C4orf46: variants seen among roughly 807,000 people sequenced by gnomAD.
C4orf46 encodes the protein renal cancer differentiation gene 1 protein.
A neutral mutation model predicts 9.1 loss-of-function variants in C4orf46; 8 were observed. The ratio of observed to expected loss-of-function variants is 0.88; its 90% CI spans 0.52 to 1.59. The LOEUF is 1.59. Ranked by LOEUF, C4orf46 falls within the 40% of genes most tolerant of loss-of-function variation. The pLI, the probability that C4orf46 is intolerant of heterozygous loss-of-function variation, is 0.00. For missense variants in C4orf46, 151 were observed against 139.1 expected (o/e 1.09, Z -0.43); for synonymous variants, 51 against 58.8 (o/e 0.87, Z 0.61).
rs1773449225 is a variant in C4orf46, at chr4:158,669,014, T to C, written c.*599A>G. On this transcript the variant is annotated 3_prime_UTR_variant, in exon 2 of 2. Coordinates refer to ENST00000379205, the MANE Select transcript of C4orf46 (RefSeq NM_001008393.4). ...GTCAAAAAAGTTCAGATTCATACAT[T>C]TCCTAGAGAAACAATGACAGTCTTC... is the stretch of plus-strand genomic sequence containing the variant. The C allele has an allele frequency of 6.6e-6, 1 of 152,238 alleles. No homozygotes were observed. The highest frequency in any genetic ancestry group is 2.1e-4 in the South Asian group (1 of 4,830). 9.4% of individuals were successfully genotyped at this position (152,238 alleles called of 1,614,324 possible). A position where few individuals can be genotyped will look rare whatever the true frequency, so the allele number is the denominator to read the frequency against.
At position 158,667,323 on chromosome 4, in the gene C4orf46, G is replaced by GT. The variant is rs1402833082; in HGVS notation, c.*2289dup. On this transcript the variant is annotated 3_prime_UTR_variant, in exon 2 of 2. Transcript: ENST00000379205. ...TCTAAATGTTAAAAACAAAAATTTTGTAACTTTTGGAAGGCTGAATAGGAC... is the reference window on the plus strand; with the variant it reads ...TCTAAATGTTAAAAACAAAAATTTTGTTAACTTTTGGAAGGCTGAATAGGAC... The GT allele has an allele frequency of 6.6e-6, 1 of 152,130 alleles. No homozygotes were observed. The highest frequency in any genetic ancestry group is 1.5e-5 in the Non-Finnish European group (1 of 68,002). The allele number at this position is 152,130 out of a possible 1,614,324, so 9.4% of individuals were successfully genotyped here. A position where few individuals can be genotyped will look rare whatever the true frequency, so the allele number is the denominator to read the frequency against.
chr4:158,671,481 C>T lies in C4orf46; in HGVS notation c.186+135G>A, dbSNP rs548826949. The T allele has an allele frequency of 4.3e-4, 381 of 895,978 alleles. 1 individual carries two copies. The Middle Eastern group carries it at 7.3e-3, about 17-fold the overall frequency. The allele number at this position is 895,978 out of a possible 1,614,324, so 55.5% of individuals were successfully genotyped here. ...GCATCCCCCCCGCTTCCCGCCCGCA[C>T]GCTCTGGGGCGCAGAAGGGCCGGTC... On this transcript the variant is annotated intron_variant, in intron 1 of 1. Transcript: ENST00000379205.
intron 1 of C4orf46, among the ~76,000 whole-genome samples, chr4:158,670,018 G>GTTTTTTTTTTTTTTT (rs1773480643): frequency 7.6e-4 from 15 of 19,658 alleles, no homozygotes; most frequent in African/African-American, 2.3e-3. Context: ...CAGTATAGTT[G>GTTTTTTTTTTTTTTT]TTTTCTTTTT....
chr4:158,670,017 TGTTTTC>T (rs1263586136), intron 1 of C4orf46, among the ~76,000 whole-genome samples: 20 of 107,620 alleles, frequency 1.9e-4, no homozygotes, highest in African/African-American at 7.1e-4. Context: ...TCAGTATAGT[TGTTTTC>T]TTTTTTTTTT....
In C4orf46 at chr4:158,669,663, A is replaced by G. The variant is rs765140061; in HGVS notation, c.292T>C (p.Trp98Arg). The change falls in exon 2 of 2, where the codon TGG becomes CGG. Residue 98 changes from tryptophan (W) to arginine (R), a missense_variant. Trp to Arg is a moderately radical substitution (Grantham distance 101). Transcript: ENST00000379205. ...CTENARFLKT[W>R]RDLLKEGYDS... The stretch of plus-strand genomic sequence containing the variant: ...TAGCCTTCTTTCAAGAGGTCCCGCC[A>G]CGTTTTAAGGAAACGTGCATTTTCT... 4 of 1,613,914 alleles carry G rather than the reference A, an allele frequency of 2.5e-6. No homozygotes were observed. The highest frequency in any genetic ancestry group is 3.4e-6 in the Non-Finnish European group (4 of 1,179,982).
rs895290158 is a variant in C4orf46, at chr4:158,670,059, C to G, written c.187-291G>C. On this transcript the variant is annotated intron_variant, in intron 1 of 1. Transcript: ENST00000379205. ...TTTTTTTTTGAGACGGAGTTTCGCT[C>G]GTTTCCCAGGCTGGAGTGCAATGGC... Among the ~76,000 whole-genome samples, 60 of 55,648 alleles carry G rather than the reference C, an allele frequency of 1.1e-3. 1 individual carries two copies. Among genetic ancestry groups the G allele is most frequent in the Non-Finnish European group, 1.0e-3 (31 of 29,960 alleles). The allele number at this position is 55,648 out of a possible 152,430, so 36.5% of individuals were successfully genotyped here.
At chr4:158,672,017 T>G, upstream of C4orf46, 1 of 556,626 alleles carries the variant, frequency 1.8e-6, no homozygotes. Context: ...TCACGGCTCC[T>G]GCGCGAGCCT....
rs916799420 is a variant in C4orf46 at position 158,668,500 on chromosome 4, A to G, written c.*1113T>C. The G allele has an allele frequency of 1.3e-5, 2 of 152,520 alleles. No individual in the cohort carries two copies. Among genetic ancestry groups the G allele is most frequent in the African/African-American group, 2.4e-5 (1 of 41,474 alleles). The allele number at this position is 152,520 out of a possible 1,614,324, so 9.4% of individuals were successfully genotyped here. A position where few individuals can be genotyped will look rare whatever the true frequency, so the allele number is the denominator to read the frequency against. On this transcript the variant is annotated 3_prime_UTR_variant, in exon 2 of 2. Coordinates refer to ENST00000379205, the MANE Select transcript of C4orf46 (RefSeq NM_001008393.4). ...CTACAAAGAATTAAGATGTTGTATC[A>G]AAAATGTCCAGAAGTTATATATGGT... is the stretch of plus-strand genomic sequence containing the variant.
At chr4:158,671,220 T>C in intron 1 of C4orf46, among the ~76,000 whole-genome samples, 1 of 151,940 alleles carries the variant, frequency 6.6e-6, no homozygotes, top group South Asian at 2.1e-4. Context: ...GTGAAAACTA[T>C]TCTCCGAAAC....
chr4:158,671,514 G>C (rs1773545184), intron 1 of C4orf46, 102 bp downstream of exon 1: 6 of 1,243,554 alleles, frequency 4.8e-6, no homozygotes, highest in Non-Finnish European at 6.4e-6. Context: ...GTCGTCCCGG[G>C]TCATGGGGGT....
chr4:158,670,028 T>TTTTTTTTTTTTTTTTTTTTTC (rs1554030228), intron 1 of C4orf46, among the ~76,000 whole-genome samples: 8 of 113,126 alleles, frequency 7.1e-5, no homozygotes, highest in Non-Finnish European at 1.3e-4. Flanking sequence ...GTTTTCTTTT[T>TTTTTTTTTTTTTTTTTTTTTC]TTTTTTTTTT....
At position 158,667,342 on chromosome 4, in the gene C4orf46, A is replaced by G. The variant is rs1773405555; in HGVS notation, c.*2271T>C. ...AATTTTGTAACTTTTGGAAGGCTGAATAGGACTATTTTTATGACATTTCCT... is the reference window on the plus strand; with the variant it reads ...AATTTTGTAACTTTTGGAAGGCTGAGTAGGACTATTTTTATGACATTTCCT... On this transcript the variant is annotated 3_prime_UTR_variant, in exon 2 of 2. Coordinates refer to ENST00000379205, the MANE Select transcript of C4orf46 (RefSeq NM_001008393.4). 1 of 152,250 alleles carries G rather than the reference A, an allele frequency of 6.6e-6. No homozygotes were observed. Among genetic ancestry groups the G allele is most frequent in the Non-Finnish European group, 1.5e-5 (1 of 68,040 alleles). 9.4% of individuals were successfully genotyped at this position (152,250 alleles called of 1,614,324 possible). A position where few individuals can be genotyped will look rare whatever the true frequency, so the allele number is the denominator to read the frequency against.
chr4:158,667,021 G>A lies in C4orf46; in HGVS notation c.*2592C>T, dbSNP rs1390997859. 6.6e-6 allele frequency: 1 copy of A among 152,184 alleles called. No homozygotes were observed. Among genetic ancestry groups the A allele is most frequent in the Non-Finnish European group, 1.5e-5 (1 of 68,030 alleles). The allele number at this position is 152,184 out of a possible 1,614,324, so 9.4% of individuals were successfully genotyped here. On this transcript the variant is annotated 3_prime_UTR_variant, in exon 2 of 2. Coordinates refer to ENST00000379205, the MANE Select transcript of C4orf46 (RefSeq NM_001008393.4). The stretch of plus-strand genomic sequence containing the variant: ...GGCTTGCTACAGGTAGGAAAGGACA[G>A]TTAAAATAGCCATTTCTGCAACTAC...
chr4:158,671,582 C>T, intron 1 of C4orf46, 34 bp downstream of exon 1: 2 of 1,452,726 alleles, frequency 1.4e-6, no homozygotes, highest in Non-Finnish European at 1.8e-6. Context: ...CCCAGAGGCG[C>T]CGAGGGGGGA....
Position 158,671,646 on chromosome 4 carries a change from C to T in C4orf46, c.156G>A (p.Gln52=), listed in dbSNP as rs1208569489. 1 of 1,593,904 alleles carries T rather than the reference C, an allele frequency of 6.3e-7. No individual in the cohort carries two copies. The highest frequency in any genetic ancestry group is 1.7e-5 in the Admixed American group (1 of 58,090). The stretch of plus-strand genomic sequence containing the variant: ...CGATCTGCAGCTCCACTTCCTCCAG[C>T]TGGTCCACCGTTGGGCCGCTGCTCC... ...PSRSSGPTVD[Q]LEEVELQIGD... The change falls in exon 1 of 2, where the codon CAG becomes CAA. Residue 52 remains glutamine, a synonymous_variant. Transcript: ENST00000379205.
At position 158,671,750 on chromosome 4, in the gene C4orf46, A is replaced by C. The variant is rs890415256; in HGVS notation, c.52T>G (p.Ser18Ala). The C allele has an allele frequency of 3.2e-6, 5 of 1,578,258 alleles. No individual in the cohort carries two copies. The African/African-American group carries it at 5.4e-5, about 17-fold the overall frequency. Reference sequence around the variant, plus strand: ...GAGGCGTCTGAAGAGGAGGGAGAAGAGGGAGGCGGCGGGGGCGGCGAAGAA... The same window carrying C: ...GAGGCGTCTGAAGAGGAGGGAGAAGCGGGAGGCGGCGGGGGCGGCGAAGAA... ...QVSSPPPPPP[S>A]SPSSSDASAA... The change falls in exon 1 of 2, where the codon TCT becomes GCT. Residue 18 changes from serine (S) to alanine (A), a missense_variant. Transcript: ENST00000379205.
intron 1 of C4orf46, among the ~76,000 whole-genome samples, chr4:158,670,858 CAA>C (rs1201924399): frequency 5.9e-5 from 9 of 152,264 alleles, no homozygotes; most frequent in Admixed American, 5.9e-4. Context: ...TTGACCCACT[CAA>C]GAGAACATAA....
chr4:158,670,023 C>CTTTTTTTTTTTTTTTTTTTT lies in C4orf46; in HGVS notation c.187-256_187-255insAAAAAAAAAAAAAAAAAAAA, dbSNP rs767110704. On this transcript the variant is annotated intron_variant, in intron 1 of 1. Coordinates refer to ENST00000379205, the MANE Select transcript of C4orf46 (RefSeq NM_001008393.4). ...TATGACAAATCAGTATAGTTGTTTT[C>CTTTTTTTTTTTTTTTTTTTT]TTTTTTTTTTTTTTTTTTTGAGACG... 2.3e-3 allele frequency among the ~76,000 whole-genome samples: 40 copies of CTTTTTTTTTTTTTTTTTTTT among 17,696 alleles called. 3 individuals carry two copies. Among genetic ancestry groups the CTTTTTTTTTTTTTTTTTTTT allele is most frequent in the African/African-American group, 4.0e-3 (36 of 8,998 alleles). The allele number at this position is 17,696 out of a possible 152,430, so 11.6% of individuals were successfully genotyped here.
upstream of C4orf46, chr4:158,672,031 A>G (rs78201564): frequency 4.9e-3 from 2,706 of 550,534 alleles, 41 homozygotes; most frequent in African/African-American, 0.038. Flanking sequence ...CGAGCCTCCA[A>G]TCGATCTCGA....
Sources: gnomAD v4.1 joint callset for allele counts (sites outside exome capture counted in the v4.1 genomes callset) on GRCh38, gnomAD v4.1.1 for gene constraint, MANE v1.5 for transcripts, NCBI Gene and HGNC (gene_info 2026-07-23, HGNC 2026-07-21) for gene names.